The following OPCML variants were observed in gnomAD, a reference collection of about 807,000 sequenced individuals.
OPCML encodes the protein opioid-binding protein/cell adhesion molecule.
A neutral mutation model predicts 37.8 loss-of-function variants in OPCML; 13 were observed. The observed-to-expected ratio is 0.34, with a 90% CI of 0.22 to 0.55. The LOEUF (loss-of-function observed/expected upper bound fraction) is 0.55, where lower values mean the gene tolerates loss of function less well. OPCML is among the 20% of genes least tolerant of loss of function. The pLI is 0.91. For synonymous variants in OPCML, 176 were observed against 168.8 expected, an observed-to-expected ratio of 1.04 and a Z score of -0.33; for missense variants, 341 against 435.6, an observed-to-expected ratio of 0.78 and a Z score of 1.93.
intron 1 of OPCML, among the ~76,000 whole-genome samples, chr11:133,527,013 G>A (rs1391241647): frequency 1.3e-5 from 2 of 152,230 alleles, no homozygotes; most frequent in African/African-American, 4.8e-5. Flanking sequence ...TCACTGACAG[G>A]AATCACAGTT....
At chr11:133,277,236 A>G (rs1174014414) in intron 1 of OPCML, among the ~76,000 whole-genome samples, 1 of 152,210 alleles carries the variant, frequency 6.6e-6, no homozygotes, top group East Asian at 1.9e-4. Context: ...TAACTCAGAC[A>G]GCACAGATGC....
chr11:133,500,390 G>T (rs1225182152), intron 1 of OPCML, among the ~76,000 whole-genome samples: 1 of 152,180 alleles, frequency 6.6e-6, no homozygotes, highest in Non-Finnish European at 1.5e-5. Flanking sequence ...CCTGGCTTCT[G>T]TCAGCTTCTC....
chr11:133,322,475 C>G (rs1943355830), intron 1 of OPCML, among the ~76,000 whole-genome samples: 1 of 152,130 alleles, frequency 6.6e-6, no homozygotes, highest in South Asian at 2.1e-4. Context: ...TCCCACCATC[C>G]AAATAAGTTG....
chr11:132,806,462 T>C (rs1056603927), intron 2 of OPCML, among the ~76,000 whole-genome samples: 1 of 152,170 alleles, frequency 6.6e-6, no homozygotes, highest in Non-Finnish European at 1.5e-5. Flanking sequence ...TGTGGGTTTA[T>C]TGATATCAAA....
intron 1 of OPCML, among the ~76,000 whole-genome samples, chr11:133,209,147 T>A (rs565370481): frequency 2.0e-5 from 3 of 152,360 alleles, no homozygotes; most frequent in African/African-American, 7.2e-5. Flanking sequence ...TGTGATTAAA[T>A]AATTATTGGT....
intron 1 of OPCML, among the ~76,000 whole-genome samples, chr11:133,520,709 G>A (rs2120697199): frequency 6.6e-6 from 1 of 152,270 alleles, no homozygotes; most frequent in African/African-American, 2.4e-5. Context: ...ACTGTAAGAG[G>A]CAGGCATTAT....
rs1317092707 is a variant in OPCML, at chr11:133,177,964, A to G, written c.62-234954T>C. Among the ~76,000 whole-genome samples, 1 of 152,210 alleles carries G rather than the reference A, an allele frequency of 6.6e-6. No homozygotes were observed. Among genetic ancestry groups the G allele is most frequent in the Non-Finnish European group, 1.5e-5 (1 of 68,036 alleles). ...CACTGAATAAATGAGAGCTGGCAGG[A>G]GGCAATCCCAAGGTTTAAGGCAGAA... is the stretch of plus-strand genomic sequence containing the variant. On this transcript the variant is annotated intron_variant, in intron 1 of 7. Coordinates refer to ENST00000524381, the MANE Select transcript of OPCML (RefSeq NM_001012393.5). The surrounding 1 kb of genome is among the most constrained non-coding windows in gnomAD (Gnocchi z 5.0).
intron 2 of OPCML, among the ~76,000 whole-genome samples, chr11:132,724,932 G>A (rs1175547850): frequency 1.3e-5 from 2 of 152,086 alleles, no homozygotes; most frequent in Admixed American, 6.6e-5. Context: ...CCATATCTTG[G>A]GCAACTCCGT....
chr11:133,226,076 T>C (rs1940023824), intron 1 of OPCML, among the ~76,000 whole-genome samples: 1 of 152,228 alleles, frequency 6.6e-6, no homozygotes, highest in Non-Finnish European at 1.5e-5. Flanking sequence ...ATTTGAAATT[T>C]CCTGTGGTCA....
At chr11:133,397,767 T>C (rs1486260170) in intron 1 of OPCML, among the ~76,000 whole-genome samples, 1 of 152,210 alleles carries the variant, frequency 6.6e-6, no homozygotes, top group East Asian at 1.9e-4. Flanking sequence ...TGACAGAATT[T>C]ATAAAAAGGG....
At chr11:132,437,479 C>A (rs1592172358) in intron 4 of OPCML, 120 bp from the exon 5 acceptor site, 1 of 1,502,276 alleles carries the variant, frequency 6.7e-7, no homozygotes, top group East Asian at 2.5e-5. Context: ...TGGAGTAGGA[C>A]ATCAAGTCAA....
chr11:132,462,350 C>A (rs1051436788), intron 4 of OPCML, among the ~76,000 whole-genome samples: 2 of 152,096 alleles, frequency 1.3e-5, no homozygotes, highest in African/African-American at 4.8e-5. Flanking sequence ...ATTTCCACAC[C>A]ACCTTTCCTG....
chr11:132,916,175 G>T (rs2725453), intron 2 of OPCML, among the ~76,000 whole-genome samples: 7,609 of 152,136 alleles, frequency 0.05, 297 homozygotes, highest in Middle Eastern at 0.16. Flanking sequence ...ATTTCTAATT[G>T]ATGGTAACAT....
At chr11:132,492,714 A>G (rs1382821064) in intron 4 of OPCML, among the ~76,000 whole-genome samples, 1 of 152,158 alleles carries the variant, frequency 6.6e-6, no homozygotes, top group Non-Finnish European at 1.5e-5. Flanking sequence ...CAGCAAATCA[A>G]TAGCGTTTAA....
At chr11:133,004,164 C>T in intron 1 of OPCML, 1 of 985,408 alleles carries the variant, frequency 1.0e-6, no homozygotes, top group Non-Finnish European at 1.2e-6. Flanking sequence ...GAGTGGGTCT[C>T]ACTCCTCTGC....
At chr11:132,604,087 G>A (rs368573937) in intron 3 of OPCML, among the ~76,000 whole-genome samples, 164 of 152,220 alleles carry the variant, frequency 1.1e-3, no homozygotes, top group African/African-American at 3.9e-3. Context: ...ACATTTGTTA[G>A]CAAATGATTC....
chr11:133,075,881 A>G (rs1948613773), intron 1 of OPCML, among the ~76,000 whole-genome samples: 1 of 152,200 alleles, frequency 6.6e-6, no homozygotes, highest in South Asian at 2.1e-4. Context: ...ACCTCCACCC[A>G]AATTCCAGTC....
At chr11:133,419,232 G>A in intron 1 of OPCML, 1 of 985,284 alleles carries the variant, frequency 1.0e-6, no homozygotes, top group Non-Finnish European at 1.2e-6. Flanking sequence ...GGTAATTACA[G>A]TCATAGTTGG....
At chr11:132,716,294 AT>A (rs1310180994) in intron 2 of OPCML, among the ~76,000 whole-genome samples, 5 of 152,218 alleles carry the variant, frequency 3.3e-5, no homozygotes, top group Non-Finnish European at 5.9e-5. Flanking sequence ...TAGCATGTAG[AT>A]TTAAGTGACC....
Sources: gnomAD v4.1 joint callset for allele counts (sites outside exome capture counted in the v4.1 genomes callset) on GRCh38, gnomAD v4.1.1 for gene constraint, Gnocchi (gnomAD v3.1) non-coding constraint, MANE v1.5 for transcripts, NCBI Gene and HGNC (gene_info 2026-07-23, HGNC 2026-07-21) for gene names.